The following RUFY3 variants were observed in gnomAD, a reference collection of about 807,000 sequenced individuals.
The protein encoded by RUFY3 is RUN and FYVE domain containing 3, also known as protein RUFY3.
A neutral mutation model predicts 84.0 loss-of-function variants in RUFY3; 34 were observed. That is an observed-to-expected ratio of 0.40 (90% CI 0.31 to 0.54). The LOEUF (loss-of-function observed/expected upper bound fraction) is 0.54, where lower values mean the gene tolerates loss of function less well. Ranked by LOEUF, RUFY3 falls within the 20% of genes least tolerant of loss-of-function variation. The pLI is 0.39. For missense variants in RUFY3, 507 were observed against 736.8 expected, an observed-to-expected ratio of 0.69 and a Z score of 3.61; for synonymous variants, 242 against 252.9, an observed-to-expected ratio of 0.96 and a Z score of 0.41.
chr4:70,743,712 A>C (rs1397878631), intron 1 of RUFY3, among the ~76,000 whole-genome samples: 1 of 152,118 alleles, frequency 6.6e-6, no homozygotes. Context: ...CAGTACCTTC[A>C]TGATCTTAAT....
intron 15 of RUFY3, among the ~76,000 whole-genome samples, chr4:70,801,013 TGAA>T (rs1003332116): frequency 2.0e-5 from 3 of 152,230 alleles, no homozygotes; most frequent in African/African-American, 4.8e-5. Flanking sequence ...TTGCTCATGA[TGAA>T]GAGCATAGGA....
chr4:70,804,761 C>CAAAAAAAA (rs1186156048), intron 17 of RUFY3, among the ~76,000 whole-genome samples: 139 of 76,720 alleles, frequency 1.8e-3, no homozygotes, highest in Non-Finnish European at 2.5e-3. Context: ...ACTAAAAATA[C>CAAAAAAAA]AAAAAAAAAA....
chr4:70,713,734 A>T (rs1375034897), intron 1 of RUFY3, among the ~76,000 whole-genome samples: 1 of 152,140 alleles, frequency 6.6e-6, no homozygotes, highest in Non-Finnish European at 1.5e-5. Flanking sequence ...ACAGACATTT[A>T]TCTACTTCTG....
intron 1 of RUFY3, among the ~76,000 whole-genome samples, chr4:70,736,152 CAAAAAAA>C (rs1020403164): frequency 1.6e-5 from 1 of 60,888 alleles, no homozygotes; most frequent in East Asian, 4.8e-4. Flanking sequence ...GACCCTGTCT[CAAAAAAA>C]AAAAAAAAAA....
intron 1 of RUFY3, among the ~76,000 whole-genome samples, chr4:70,733,156 G>A (rs1311362684): frequency 5.5e-5 from 8 of 145,734 alleles, no homozygotes; most frequent in African/African-American, 1.6e-4. Context: ...GAGAGAGAGA[G>A]AGAGAGAGAG....
chr4:70,781,029 G>A (rs912818855), intron 8 of RUFY3, among the ~76,000 whole-genome samples: 15 of 150,620 alleles, frequency 1.0e-4, no homozygotes, highest in Non-Finnish European at 2.1e-4. Context: ...TGGGTGGATC[G>A]CTTGAGGCCA....
At chr4:70,799,093 C>A (rs1206212804) in intron 14 of RUFY3, among the ~76,000 whole-genome samples, 3 of 146,398 alleles carry the variant, frequency 2.0e-5, no homozygotes, top group Non-Finnish European at 3.0e-5. Flanking sequence ...TGCAGTGAGC[C>A]GAGATCATGC....
chr4:70,780,862 A>G (rs1728798108), intron 8 of RUFY3, among the ~76,000 whole-genome samples: 1 of 152,150 alleles, frequency 6.6e-6, no homozygotes, highest in South Asian at 2.1e-4. Context: ...TATTTATTTT[A>G]CCAGTAGCAC....
At chr4:70,772,514 C>T (rs1394900893) in intron 5 of RUFY3, among the ~76,000 whole-genome samples, 3 of 152,086 alleles carry the variant, frequency 2.0e-5, no homozygotes, top group African/African-American at 7.2e-5. Flanking sequence ...GCCTAGTACA[C>T]ATTAATTGCC....
intron 1 of RUFY3, among the ~76,000 whole-genome samples, chr4:70,715,710 G>C (rs539909340): frequency 2.0e-5 from 3 of 150,458 alleles, no homozygotes; most frequent in East Asian, 4.0e-4. Context: ...CTGCCAAACA[G>C]AACTTTGTGA....
chr4:70,748,050 A>T (rs1428168146), intron 1 of RUFY3, among the ~76,000 whole-genome samples: 1 of 152,126 alleles, frequency 6.6e-6, no homozygotes, highest in Non-Finnish European at 1.5e-5. Context: ...GACTATCTGA[A>T]CTTGAATCAC....
intron 8 of RUFY3, among the ~76,000 whole-genome samples, chr4:70,779,157 A>C (rs1728479578): frequency 6.6e-6 from 1 of 152,310 alleles, no homozygotes; most frequent in East Asian, 1.9e-4. Context: ...ACTCCCCACC[A>C]CTTATGTCCT....
chr4:70,804,646 G>A (rs997126392), intron 17 of RUFY3, among the ~76,000 whole-genome samples: 5 of 151,818 alleles, frequency 3.3e-5, no homozygotes, highest in Non-Finnish European at 7.4e-5. Context: ...AGCCAGGCGC[G>A]GTGACTCACG....
chr4:70,772,290 C>A (rs1194272926), intron 5 of RUFY3, among the ~76,000 whole-genome samples: 3 of 152,140 alleles, frequency 2.0e-5, no homozygotes, highest in Non-Finnish European at 4.4e-5. Context: ...CAAGCCCTTA[C>A]AGTCAGCCCT....
intron 1 of RUFY3, among the ~76,000 whole-genome samples, chr4:70,711,179 G>A (rs1740959488): frequency 6.6e-6 from 1 of 151,340 alleles, no homozygotes; most frequent in Non-Finnish European, 1.5e-5. Context: ...GGCTGGTCTT[G>A]GACTCCTGGG....
intron 12 of RUFY3, 33 bp downstream of exon 12, chr4:70,789,625 G>T: frequency 6.2e-7 from 1 of 1,604,200 alleles, no homozygotes; most frequent in South Asian, 1.1e-5. Flanking sequence ...GAAACACTTT[G>T]GATTGTCAGT....
At chr4:70,793,538 A>C in intron 12 of RUFY3, 1 of 1,361,478 alleles carries the variant, frequency 7.3e-7, no homozygotes, top group Non-Finnish European at 9.5e-7. Flanking sequence ...TAGTACTAGA[A>C]TAAAAAAAAT....
At chr4:70,709,529 C>G (rs1360416006) in intron 1 of RUFY3, among the ~76,000 whole-genome samples, 2 of 152,100 alleles carry the variant, frequency 1.3e-5, no homozygotes, top group African/African-American at 4.8e-5. Flanking sequence ...TTCGTGGTGG[C>G]TTTATCCTCT....
exon 1 of RUFY3, chr4:70,704,910 G>T: frequency 8.3e-7 from 1 of 1,205,524 alleles, no homozygotes; most frequent in Non-Finnish European, 1.0e-6. Context: ...GCGCGAATCG[G>T]AGGCTGCGGC....
Sources: allele counts gnomAD v4.1 joint callset (sites outside exome capture counted in the v4.1 genomes callset), GRCh38; gene constraint gnomAD v4.1.1; transcripts MANE v1.5; gene names NCBI Gene and HGNC (gene_info 2026-07-23, HGNC 2026-07-21).